The following TECRL variants were observed in gnomAD, a reference collection of about 807,000 sequenced individuals.
TECRL encodes trans-2,3-enoyl-CoA reductase-like.
A neutral mutation model predicts 52.8 loss-of-function variants in TECRL; 63 were observed. The observed-to-expected ratio is 1.19, with a 90% confidence interval of 0.97 to 1.47. The LOEUF is 1.47. TECRL is among the 40% of genes most tolerant of loss of function. The probability of loss-of-function intolerance (pLI) is 0.00; values close to 1 mark genes in which losing one functional copy is unlikely to be tolerated. For synonymous variants in TECRL, 164 were observed against 141.9 expected, an observed-to-expected ratio of 1.16 and a Z score of -1.10; for missense variants, 482 against 429.6, an observed-to-expected ratio of 1.12 and a Z score of -1.08.
chr4:64,361,284 T>C lies in TECRL; in HGVS notation c.286+13888A>G, dbSNP rs528866849. Among the ~76,000 whole-genome samples the C allele has an allele frequency of 2.9e-3, 437 of 152,278 alleles. 4 individuals are homozygous for C. The highest frequency in any genetic ancestry group is 0.01 in the African/African-American group (416 of 41,560). ...GCCTGCAGCCTTCCACCTGCCACTT[T>C]AGTGACTTATACGCATACACAGAAC... On this transcript the variant is annotated intron_variant, in intron 2 of 11. Transcript: ENST00000381210.
At chr4:64,389,275 G>A (rs1723389385) in intron 1 of TECRL, among the ~76,000 whole-genome samples, 1 of 151,898 alleles carries the variant, frequency 6.6e-6, no homozygotes, top group South Asian at 2.1e-4. Flanking sequence ...TATTGATGAA[G>A]TTGAGGAAGT....
intron 7 of TECRL, among the ~76,000 whole-genome samples, chr4:64,300,667 G>A (rs574928095): frequency 1.3e-5 from 2 of 150,974 alleles, no homozygotes; most frequent in South Asian, 2.1e-4. Flanking sequence ...TTTATTAACA[G>A]TTGCATTCCT....
At chr4:64,390,346 C>A (rs144684296) in intron 1 of TECRL, among the ~76,000 whole-genome samples, 3 of 151,958 alleles carry the variant, frequency 2.0e-5, no homozygotes, top group East Asian at 1.9e-4. Flanking sequence ...TGTTTTATAT[C>A]TTCAACATGT....
intron 4 of TECRL, among the ~76,000 whole-genome samples, chr4:64,321,093 C>T (rs958263318): frequency 1.3e-4 from 20 of 151,982 alleles, no homozygotes; most frequent in Non-Finnish European, 2.8e-4. Flanking sequence ...CCTTTGTGGG[C>T]ATATATACTA....
intron 6 of TECRL, among the ~76,000 whole-genome samples, chr4:64,305,829 C>A (rs144942863): frequency 6.6e-6 from 1 of 152,278 alleles, no homozygotes; most frequent in African/African-American, 2.4e-5. Context: ...GGGTAGAACC[C>A]ACAAAAGACT....
At chr4:64,366,363 C>A (rs1375714225) in intron 2 of TECRL, among the ~76,000 whole-genome samples, 1 of 152,096 alleles carries the variant, frequency 6.6e-6, no homozygotes, top group Non-Finnish European at 1.5e-5. Context: ...GGAAAGATTT[C>A]ATGACAAAGA....
downstream of TECRL, chr4:64,277,145 C>A (rs529869509): frequency 7.1e-6 from 6 of 842,818 alleles, no homozygotes; most frequent in East Asian, 1.7e-4. Context: ...AAGGGAATAA[C>A]TGATACAAAA....
intron 1 of TECRL, among the ~76,000 whole-genome samples, chr4:64,396,584 C>T (rs1434994691): frequency 6.6e-6 from 1 of 152,122 alleles, no homozygotes; most frequent in African/African-American, 2.4e-5. Flanking sequence ...TTTACAAACA[C>T]TTTCTTCCTT....
chr4:64,371,203 T>C (rs1208215271), intron 2 of TECRL, among the ~76,000 whole-genome samples: 1 of 151,392 alleles, frequency 6.6e-6, no homozygotes, highest in Non-Finnish European at 1.5e-5. Flanking sequence ...GTAATAATAA[T>C]ACATAATTAT....
At chr4:64,338,413 A>C (rs571325106) in intron 2 of TECRL, among the ~76,000 whole-genome samples, 1 of 152,236 alleles carries the variant, frequency 6.6e-6, no homozygotes, top group Non-Finnish European at 1.5e-5. Flanking sequence ...AATGGCAACA[A>C]AAGCCAAAAT....
chr4:64,354,589 G>T (rs1720633947), intron 2 of TECRL, among the ~76,000 whole-genome samples: 1 of 152,158 alleles, frequency 6.6e-6, no homozygotes, highest in South Asian at 2.1e-4. Flanking sequence ...GGGCATGATT[G>T]TTGTGATTTT....
chr4:64,311,842 C>G (rs1717024337), intron 5 of TECRL, among the ~76,000 whole-genome samples: 1 of 151,960 alleles, frequency 6.6e-6, no homozygotes, highest in African/African-American at 2.4e-5. Flanking sequence ...TTTTCCCAAC[C>G]AAAGTATTGA....
chr4:64,296,763 T>C (rs1189420464), intron 8 of TECRL, among the ~76,000 whole-genome samples: 3 of 151,692 alleles, frequency 2.0e-5, no homozygotes, highest in Non-Finnish European at 3.0e-5. Flanking sequence ...TTGGGTGGAA[T>C]TGGATTCAGA....
At chr4:64,394,120 G>A (rs540231546) in intron 1 of TECRL, among the ~76,000 whole-genome samples, 3 of 152,048 alleles carry the variant, frequency 2.0e-5, no homozygotes, top group East Asian at 1.9e-4. Context: ...CAGCTCATCT[G>A]ATGTTAAAAA....
At chr4:64,399,588 G>A (rs1404736892) in intron 1 of TECRL, among the ~76,000 whole-genome samples, 1 of 152,124 alleles carries the variant, frequency 6.6e-6, no homozygotes, top group Non-Finnish European at 1.5e-5. Context: ...GGTTTCCTGG[G>A]CCAGGTTTTG....
chr4:64,337,403 C>T (rs1719180748), intron 2 of TECRL, among the ~76,000 whole-genome samples: 1 of 152,130 alleles, frequency 6.6e-6, no homozygotes, highest in African/African-American at 2.4e-5. Flanking sequence ...TCCTATTCAA[C>T]ATAGTGTTGG....
intron 1 of TECRL, among the ~76,000 whole-genome samples, chr4:64,395,411 T>G (rs1225699636): frequency 6.6e-6 from 1 of 152,144 alleles, no homozygotes; most frequent in East Asian, 1.9e-4. Context: ...TAGATAAGTT[T>G]GAGCACAAAA....
chr4:64,287,484 T>C (rs1222897574), intron 9 of TECRL, among the ~76,000 whole-genome samples: 1 of 152,162 alleles, frequency 6.6e-6, no homozygotes, highest in Non-Finnish European at 1.5e-5. Context: ...TTATCATTTC[T>C]ATTTGAATTT....
chr4:64,405,364 T>C (rs1724637586), intron 1 of TECRL, among the ~76,000 whole-genome samples: 1 of 152,134 alleles, frequency 6.6e-6, no homozygotes, highest in Admixed American at 6.6e-5. Flanking sequence ...GAAGGGTTGA[T>C]ATATTTTGAA....
Sources: gnomAD v4.1 joint callset for allele counts (sites outside exome capture counted in the v4.1 genomes callset) on GRCh38, gnomAD v4.1.1 for gene constraint, MANE v1.5 for transcripts, NCBI Gene and HGNC (gene_info 2026-07-23, HGNC 2026-07-21) for gene names.